SLC47A2: variants seen among roughly 807,000 people sequenced by gnomAD.
The protein encoded by SLC47A2 is solute carrier family 47 member 2, also known as multidrug and toxin extrusion protein 2.
SLC47A2 carries 52 observed loss-of-function variants against 67.7 expected under a neutral mutation model. The observed-to-expected ratio is 0.77, with a 90% CI of 0.61 to 0.97. The LOEUF is 0.97. Among genes scored for constraint, SLC47A2 ranks in the 50% least tolerant of loss-of-function variants. The probability of loss-of-function intolerance (pLI) is 0.00; values close to 1 mark genes in which losing one functional copy is unlikely to be tolerated. For missense variants in SLC47A2, 676 were observed against 712.3 expected, an observed-to-expected ratio of 0.95 and a Z score of 0.58; for synonymous variants, 278 against 292.9, an observed-to-expected ratio of 0.95 and a Z score of 0.52.
At chr17:19,708,900 G>A (rs370702693) in intron 5 of SLC47A2, 140 bp from the exon 6 acceptor site, 3 of 1,121,156 alleles carry the variant, frequency 2.7e-6, no homozygotes, top group Non-Finnish European at 3.8e-6. Context: ...GACCTCTCAG[G>A]TGCGGCCAAA....
chr17:19,693,498 C>T (rs1342326958), intron 13 of SLC47A2, among the ~76,000 whole-genome samples: 2 of 151,940 alleles, frequency 1.3e-5, no homozygotes, highest in Non-Finnish European at 2.9e-5. Flanking sequence ...GAGAGCTGGG[C>T]ACAGTGGCTT....
At position 19,703,153 on chromosome 17, in the gene SLC47A2, C is replaced by T; in HGVS notation, c.1033G>A (p.Val345Ile). The change falls in exon 12 of 17, where the codon GTC becomes ATC. Residue 345 changes from valine (V) to isoleucine (I), a missense_variant. Physicochemically the swap from Val to Ile is conservative, Grantham distance 29. Coordinates refer to ENST00000433844, the MANE Select transcript of SLC47A2 (RefSeq NM_001099646.3). The part of the protein sequence containing the change: ...GVLSIVGISL[V>I]LGTLISILKN... ...AGGATGCTTATCAGGGTGCCCAGGA[C>T]CAGGGAAATGCCAACTGGAAGAGAC... 2.5e-6 allele frequency: 4 copies of T among 1,614,088 alleles called. No individual in the cohort carries two copies. In the South Asian group the frequency reaches 4.4e-5, roughly 18 times the overall value.
intron 13 of SLC47A2, among the ~76,000 whole-genome samples, chr17:19,698,037 C>G (rs1018369128): frequency 1.1e-4 from 16 of 152,156 alleles, no homozygotes; most frequent in African/African-American, 3.9e-4. Flanking sequence ...CATATCCCCA[C>G]TGGGATGGCT....
At position 19,705,423 on chromosome 17, in the gene SLC47A2, G is replaced by T; in HGVS notation, c.909+13C>A. 2 of 1,607,334 alleles carry T rather than the reference G, an allele frequency of 1.2e-6. No homozygotes were observed. Among genetic ancestry groups the T allele is most frequent in the Non-Finnish European group, 1.7e-6 (2 of 1,177,030 alleles). On this transcript the variant is annotated intron_variant, in intron 10 of 16. Coordinates refer to ENST00000433844, the MANE Select transcript of SLC47A2 (RefSeq NM_001099646.3). ...TGGGGGATGTGGGGAAGGCACCCCT[G>T]CAGGAGCCTTACCATGTAGGTCACA...
intron 13 of SLC47A2, chr17:19,701,937 C>CA (rs2085796432): frequency 5.6e-6 from 1 of 179,004 alleles, no homozygotes; most frequent in Non-Finnish European, 1.1e-5. Context: ...CCTGTCTCTA[C>CA]AAAAAATACG....
intron 13 of SLC47A2, among the ~76,000 whole-genome samples, chr17:19,686,056 G>A (rs569434871): frequency 6.6e-6 from 1 of 152,170 alleles, no homozygotes; most frequent in Non-Finnish European, 1.5e-5. Context: ...GAGGTCAGGA[G>A]TTCAAGACCA....
Position 19,704,751 on chromosome 17 carries a change from TG to T in SLC47A2, c.910-574del, listed in dbSNP as rs2085882335. 6.1e-6 allele frequency: 9 copies of T among 1,481,592 alleles called. No homozygotes were observed. In the Admixed American group the frequency reaches 1.7e-4, roughly 28 times the overall value. The allele number at this position is 1,481,592 out of a possible 1,614,324, so 91.8% of individuals were successfully genotyped here. On this transcript the variant is annotated intron_variant, in intron 10 of 16. Coordinates refer to ENST00000433844, the MANE Select transcript of SLC47A2 (RefSeq NM_001099646.3). ...GGTGGAGGAGAGCCCATGGCCCTGC[TG>T]GGGACGCTGTCACCCAGCTCTGGCC...
intron 13 of SLC47A2, among the ~76,000 whole-genome samples, chr17:19,690,983 G>A (rs914652492): frequency 5.3e-5 from 8 of 152,212 alleles, no homozygotes; most frequent in Admixed American, 3.9e-4. Flanking sequence ...TTAGCTGGGC[G>A]TAGTGGTGCA....
intron 11 of SLC47A2, among the ~76,000 whole-genome samples, chr17:19,703,667 G>A (rs111301691): frequency 0.018 from 2,712 of 152,340 alleles, 72 homozygotes; most frequent in African/African-American, 0.062. Flanking sequence ...GTTGGCAGCT[G>A]CCAAGCTCAT....
rs397960037 is a variant in SLC47A2 at position 19,696,295 on chromosome 17, C to CAAAA, written c.1164+6306_1164+6309dup. 6.9e-5 allele frequency among the ~76,000 whole-genome samples: 8 copies of CAAAA among 116,400 alleles called. No individual in the cohort carries two copies. The East Asian group carries it at 1.9e-3, about 28-fold the overall frequency. The allele number at this position is 116,400 out of a possible 152,430, so 76.4% of individuals were successfully genotyped here. ...GTGAAACCCCATTTCTACTAAAATA[C>CAAAA]AAAAAAAAAAAAAAAAATTAGCCAG... On this transcript the variant is annotated intron_variant, in intron 13 of 16. Coordinates refer to ENST00000433844, the MANE Select transcript of SLC47A2 (RefSeq NM_001099646.3).
chr17:19,708,457 C>A, intron 6 of SLC47A2, 58 bp from the exon 7 acceptor site: 1 of 1,614,168 alleles, frequency 6.2e-7, no homozygotes, highest in Non-Finnish European at 8.5e-7. Context: ...GGAGGATGGA[C>A]AAACCCGGGG....
chr17:19,684,618 T>C (rs868802907), intron 13 of SLC47A2, among the ~76,000 whole-genome samples: 2 of 149,852 alleles, frequency 1.3e-5, no homozygotes. Context: ...CCCAGCACTT[T>C]GGGAGGCCAA....
rs139580571 is a variant in SLC47A2, at chr17:19,708,296, G to A, written c.629+6C>T. Reference sequence around the variant, plus strand: ...CTGACCAGGCCCCACCAGCCCCCGGGCTCACCTGACCCCCAGGTTCAGCAC... The same window carrying A: ...CTGACCAGGCCCCACCAGCCCCCGGACTCACCTGACCCCCAGGTTCAGCAC... On this transcript the variant is annotated splice_donor_region_variant and intron_variant, in intron 7 of 16. Transcript: ENST00000433844. 8.1e-6 allele frequency: 13 copies of A among 1,612,326 alleles called. No individual in the cohort carries two copies. Among genetic ancestry groups the A allele is most frequent in the Non-Finnish European group, 1.1e-5 (13 of 1,180,002 alleles).
rs190821351 is a variant in SLC47A2 at position 19,695,210 on chromosome 17, A to G, written c.1164+7395T>C. 2.0e-4 allele frequency among the ~76,000 whole-genome samples: 30 copies of G among 152,302 alleles called. No individual in the cohort carries two copies. The East Asian group carries it at 5.4e-3, about 27-fold the overall frequency. On this transcript the variant is annotated intron_variant, in intron 13 of 16. Transcript: ENST00000433844. ...TATTGTATACTTGAAAATTGGTAAT[A>G]GTATATTTTAAATGTTCTCACCACA...
intron 15 of SLC47A2, among the ~76,000 whole-genome samples, chr17:19,681,029 C>T (rs559600079): frequency 5.3e-5 from 8 of 151,920 alleles, no homozygotes; most frequent in Non-Finnish European, 1.0e-4. Flanking sequence ...CTGGCTAACA[C>T]GGTGAAACCC....
At chr17:19,702,482 A>G (rs574585818) in intron 13 of SLC47A2, 123 bp downstream of exon 13, 312 of 1,507,564 alleles carry the variant, frequency 2.1e-4, no homozygotes, top group Non-Finnish European at 2.6e-4. Flanking sequence ...GGCACTTACT[A>G]TACAGTTAGC....
At chr17:19,695,388 G>A (rs2085636057) in intron 13 of SLC47A2, among the ~76,000 whole-genome samples, 1 of 151,310 alleles carries the variant, frequency 6.6e-6, no homozygotes, top group Admixed American at 6.6e-5. Flanking sequence ...TTGGGAGGCT[G>A]AGGTGGGAGA....
chr17:19,680,838 G>T (rs1327330268), intron 15 of SLC47A2, among the ~76,000 whole-genome samples: 1 of 152,124 alleles, frequency 6.6e-6, no homozygotes, highest in Non-Finnish European at 1.5e-5. Context: ...TTTTGGTTTT[G>T]TTTCTGTTTA....
intron 13 of SLC47A2, chr17:19,702,199 T>C (rs185304851): frequency 4.4e-4 from 430 of 985,300 alleles, no homozygotes; most frequent in Middle Eastern, 2.6e-3. Context: ...GTTCCTTCTG[T>C]GTTCTGGGTG....
Sources: gnomAD v4.1 joint callset for allele counts (sites outside exome capture counted in the v4.1 genomes callset) on GRCh38, gnomAD v4.1.1 for gene constraint, MANE v1.5 for transcripts, NCBI Gene and HGNC (gene_info 2026-07-23, HGNC 2026-07-21) for gene names.